Variants in SPAG16 observed in about 807,000 individuals in gnomAD.
SPAG16 encodes sperm associated antigen 16.
In SPAG16, 86 loss-of-function variants were observed where a neutral mutation model predicts 80.4. The observed-to-expected ratio is 1.07, with a 90% CI of 0.90 to 1.28. The LOEUF is 1.28. Ranked by LOEUF, SPAG16 falls within the 50% of genes most tolerant of loss-of-function variation. SPAG16 has a pLI of 0.00. For missense variants in SPAG16, 870 were observed against 765.3 expected, an observed-to-expected ratio of 1.14 and a Z score of -1.61; for synonymous variants, 294 against 265.9, an observed-to-expected ratio of 1.11 and a Z score of -1.03.
chr2:213,364,808 G>A (rs1258283505), intron 8 of SPAG16: 6 of 152,144 alleles, frequency 3.9e-5, no homozygotes, highest in African/African-American at 1.2e-4. Flanking sequence ...ATCAAGAGGA[G>A]GCCAGAGATT....
intron 10 of SPAG16, among the ~76,000 whole-genome samples, chr2:213,687,986 C>T (rs1430301481): frequency 6.6e-6 from 1 of 152,126 alleles, no homozygotes; most frequent in African/African-American, 2.4e-5. Context: ...AGGACATGTG[C>T]CTAAGGTGGT....
chr2:213,349,473 G>A (rs1051009850), intron 6 of SPAG16, among the ~76,000 whole-genome samples: 22 of 152,114 alleles, frequency 1.4e-4, no homozygotes, highest in Admixed American at 1.4e-3. Flanking sequence ...ATAATGTAGG[G>A]TACCCAGGAC....
intron 15 of SPAG16, among the ~76,000 whole-genome samples, chr2:214,320,957 G>C (rs2125993816): frequency 6.6e-6 from 1 of 152,306 alleles, no homozygotes. Context: ...GGTTGGCAAA[G>C]TTAGAAGTAT....
intron 13 of SPAG16, among the ~76,000 whole-genome samples, chr2:214,064,341 C>T (rs2050429660): frequency 6.6e-6 from 1 of 151,776 alleles, no homozygotes; most frequent in African/African-American, 2.4e-5. Context: ...TTTAAAAATA[C>T]TTATAGGTTT....
At chr2:213,818,075 C>T (rs1228250137) in intron 10 of SPAG16, among the ~76,000 whole-genome samples, 1 of 152,138 alleles carries the variant, frequency 6.6e-6, no homozygotes, top group Non-Finnish European at 1.5e-5. Context: ...TAAAGAAGGA[C>T]TCTCTCTGCA....
At chr2:213,906,782 A>G (rs867598958) in intron 11 of SPAG16, among the ~76,000 whole-genome samples, 2 of 152,212 alleles carry the variant, frequency 1.3e-5, no homozygotes, top group Non-Finnish European at 2.9e-5. Context: ...ATCCTCTTCA[A>G]TAAACAGTGC....
At chr2:214,227,790 C>T (rs114265484) in intron 15 of SPAG16, among the ~76,000 whole-genome samples, 2,717 of 150,442 alleles carry the variant, frequency 0.018, 53 homozygotes, top group African/African-American at 0.043. Context: ...TTTTCTTCCC[C>T]TTAGACAAAT....
At chr2:214,144,310 T>G (rs2055519686) in intron 14 of SPAG16, among the ~76,000 whole-genome samples, 1 of 134,452 alleles carries the variant, frequency 7.4e-6, no homozygotes, top group Admixed American at 7.5e-5. Flanking sequence ...ATTATAAAAA[T>G]ACACAAAAGC....
chr2:213,605,603 C>T (rs964118679), intron 10 of SPAG16, among the ~76,000 whole-genome samples: 1 of 152,156 alleles, frequency 6.6e-6, no homozygotes, highest in Non-Finnish European at 1.5e-5. Context: ...GATTCTCCTG[C>T]CTCAGCTTGC....
At chr2:213,386,817 G>C (rs1010106757) in intron 9 of SPAG16, among the ~76,000 whole-genome samples, 2 of 152,158 alleles carry the variant, frequency 1.3e-5, no homozygotes, top group Non-Finnish European at 2.9e-5. Flanking sequence ...TACTAAAATA[G>C]TCAGTGGATT....
At chr2:213,902,292 A>C (rs927906194) in intron 11 of SPAG16, among the ~76,000 whole-genome samples, 5 of 152,114 alleles carry the variant, frequency 3.3e-5, no homozygotes, top group Non-Finnish European at 7.4e-5. Context: ...TACATAGTAC[A>C]TTTATGTATT....
chr2:213,636,493 T>C (rs899240497), intron 10 of SPAG16, among the ~76,000 whole-genome samples: 3 of 152,352 alleles, frequency 2.0e-5, no homozygotes, highest in South Asian at 2.1e-4. Context: ...CTGTAAAGAA[T>C]GATGTTGGTA....
At chr2:213,502,292 T>A (rs115962591) in intron 10 of SPAG16, among the ~76,000 whole-genome samples, 2,272 of 150,532 alleles carry the variant, frequency 0.015, 27 homozygotes, top group Middle Eastern at 0.038. Context: ...ATTTAAAAAA[T>A]TTTTTTTTTC....
chr2:213,897,728 AATTCC>A (rs2077052688), intron 11 of SPAG16, among the ~76,000 whole-genome samples: 1 of 152,108 alleles, frequency 6.6e-6, no homozygotes, highest in African/African-American at 2.4e-5. Flanking sequence ...TCTAATTTCT[AATTCC>A]AGCTTCTGCT....
chr2:213,733,499 ATTTTT>A (rs60768952), intron 10 of SPAG16, among the ~76,000 whole-genome samples: 11 of 123,194 alleles, frequency 8.9e-5, no homozygotes, highest in African/African-American at 1.2e-4. Flanking sequence ...TTATGAAGGG[ATTTTT>A]TTTTTTTTTT....
chr2:213,520,024 C>A (rs1214630725), intron 10 of SPAG16, among the ~76,000 whole-genome samples: 1 of 150,832 alleles, frequency 6.6e-6, no homozygotes, highest in African/African-American at 2.4e-5. Context: ...TATGCATGTG[C>A]GTGCACACAC....
chr2:213,935,201 CAAAAAA>C (rs397872306), intron 12 of SPAG16, among the ~76,000 whole-genome samples: 1 of 102,764 alleles, frequency 9.7e-6, no homozygotes. Flanking sequence ...GACTCCATCT[CAAAAAA>C]AAAAAAAAAA....
At chr2:214,131,842 A>G (rs558402968) in intron 14 of SPAG16, among the ~76,000 whole-genome samples, 12 of 152,268 alleles carry the variant, frequency 7.9e-5, no homozygotes, top group African/African-American at 2.9e-4. Context: ...GACAATTTTT[A>G]GGGTGGTGAA....
In SPAG16 at chr2:214,012,259, CATATATATATAT is replaced by C. The variant is rs1163146309; in HGVS notation, c.1401-1673_1401-1662del. Among the ~76,000 whole-genome samples, 291 of 39,828 alleles carry C rather than the reference CATATATATATAT, an allele frequency of 7.3e-3. 7 individuals carry two copies. Among genetic ancestry groups the C allele is most frequent in the East Asian group, 0.015 (19 of 1,266 alleles). The allele number at this position is 39,828 out of a possible 152,430, so 26.1% of individuals were successfully genotyped here. A position where few individuals can be genotyped will look rare whatever the true frequency, so the allele number is the denominator to read the frequency against. On this transcript the variant is annotated intron_variant, in intron 12 of 15. Transcript: ENST00000331683. ...TTATATATATATATTTTTATACTTA[CATATATATATAT>C]ATATATATATATATATATTTTTTTT...
Sources: allele counts gnomAD v4.1 joint callset (sites outside exome capture counted in the v4.1 genomes callset), GRCh38; gene constraint gnomAD v4.1.1; transcripts MANE v1.5; gene names NCBI Gene and HGNC (gene_info 2026-07-23, HGNC 2026-07-21).